The following CSMD2 variants were observed in gnomAD, a reference collection of about 807,000 sequenced individuals.
The protein encoded by CSMD2 is CUB and Sushi multiple domains 2, also known as CUB and sushi domain-containing protein 2.
A neutral mutation model predicts 398.5 loss-of-function variants in CSMD2; 130 were observed. The ratio of observed to expected loss-of-function variants is 0.33; its 90% CI spans 0.28 to 0.38. The LOEUF (loss-of-function observed/expected upper bound fraction) is 0.38. CSMD2 is among the 10% of genes least tolerant of loss of function. The pLI, the probability that CSMD2 is intolerant of heterozygous loss-of-function variation, is 1.00. For missense variants in CSMD2, 3,829 were observed against 4,764.9 expected (o/e 0.80, Z 5.78); for synonymous variants, 1,828 against 1,908.5 (o/e 0.96, Z 1.10).
At chr1:34,107,987 C>T (rs930415185) in intron 1 of CSMD2, among the ~76,000 whole-genome samples, 11 of 152,222 alleles carry the variant, frequency 7.2e-5, no homozygotes, top group Admixed American at 1.3e-4. Flanking sequence ...GGCAGGACCA[C>T]GCCTGACTCA....
intron 13 of CSMD2, among the ~76,000 whole-genome samples, chr1:33,749,197 C>G (rs10914772): frequency 6.8e-6 from 1 of 148,068 alleles, no homozygotes. Flanking sequence ...CCCCCAGGTT[C>G]ACGCCATTCT....
chr1:33,807,816 G>A (rs945862400), intron 10 of CSMD2, among the ~76,000 whole-genome samples: 2 of 152,010 alleles, frequency 1.3e-5, no homozygotes, highest in Admixed American at 6.6e-5. Flanking sequence ...TAATTCACAA[G>A]GTCTAAATTC....
intron 32 of CSMD2, among the ~76,000 whole-genome samples, chr1:33,627,438 C>T (rs1353357297): frequency 6.6e-6 from 1 of 152,056 alleles, no homozygotes; most frequent in Non-Finnish European, 1.5e-5. Context: ...CTGCCTGCTG[C>T]CCCCCTGCAG....
At chr1:34,165,512 T>G (rs996658635), upstream of CSMD2, among the ~76,000 whole-genome samples, 14 of 152,270 alleles carry the variant, frequency 9.2e-5, no homozygotes, top group African/African-American at 3.4e-4. Context: ...GTTTTGCAAT[T>G]GACCAGTTTC....
chr1:33,899,823 G>A (rs1159195377), intron 5 of CSMD2, among the ~76,000 whole-genome samples: 3 of 152,164 alleles, frequency 2.0e-5, no homozygotes, highest in East Asian at 3.9e-4. Flanking sequence ...GTTCAACCCC[G>A]ACTTTCCCCA....
intron 2 of CSMD2, among the ~76,000 whole-genome samples, chr1:34,076,892 G>T (rs74862457): frequency 0.044 from 4,363 of 100,016 alleles, 340 homozygotes; most frequent in African/African-American, 0.17. Flanking sequence ...CCACTGTATG[G>T]CTCTGTTACA....
intron 3 of CSMD2, among the ~76,000 whole-genome samples, chr1:33,955,750 C>CCGT (rs1423469542): frequency 9.5e-6 from 1 of 105,600 alleles, no homozygotes; most frequent in African/African-American, 3.3e-5. Flanking sequence ...ACCACCATCA[C>CCGT]CATCATCATC....
At chr1:34,141,085 A>G (rs1341313206) in intron 1 of CSMD2, among the ~76,000 whole-genome samples, 1 of 152,092 alleles carries the variant, frequency 6.6e-6, no homozygotes, top group African/African-American at 2.4e-5. Flanking sequence ...TCCTCCCCTG[A>G]AAACTACCTG....
chr1:33,874,334 C>T (rs1203789425), intron 5 of CSMD2, among the ~76,000 whole-genome samples: 1 of 152,174 alleles, frequency 6.6e-6, no homozygotes. Context: ...TTAAGAAAAA[C>T]ATTCAATGAG....
chr1:33,899,544 T>C (rs967869439), intron 5 of CSMD2, among the ~76,000 whole-genome samples: 3 of 152,178 alleles, frequency 2.0e-5, no homozygotes, highest in Admixed American at 6.5e-5. Context: ...GGCATGTCGT[T>C]GGTACCCTAC....
At chr1:33,775,024 T>C (rs1187678535) in intron 12 of CSMD2, among the ~76,000 whole-genome samples, 2 of 152,162 alleles carry the variant, frequency 1.3e-5, no homozygotes, top group African/African-American at 4.8e-5. Context: ...TGGATGCACA[T>C]AGGAGAAGCA....
chr1:33,647,523 A>G (rs1327674521), intron 28 of CSMD2, among the ~76,000 whole-genome samples: 1 of 152,238 alleles, frequency 6.6e-6, no homozygotes, highest in Non-Finnish European at 1.5e-5. Context: ...AATGCATATT[A>G]CGAAAAAATT....
At chr1:34,118,098 C>T (rs758358324) in intron 1 of CSMD2, among the ~76,000 whole-genome samples, 1 of 152,102 alleles carries the variant, frequency 6.6e-6, no homozygotes, top group African/African-American at 2.4e-5. Context: ...CACCTGTAAT[C>T]CCAGCTACTT....
chr1:33,943,945 CACA>C, intron 3 of CSMD2, among the ~76,000 whole-genome samples: 1 of 151,844 alleles, frequency 6.6e-6, no homozygotes, highest in East Asian at 1.9e-4. Context: ...CACACACACA[CACA>C]CACACACACA....
At chr1:33,682,603 T>A (rs1397644720) in intron 25 of CSMD2, among the ~76,000 whole-genome samples, 3 of 152,002 alleles carry the variant, frequency 2.0e-5, no homozygotes, top group Admixed American at 2.0e-4. Context: ...CTTAGGAGGG[T>A]TGGATTAGTT....
At chr1:33,602,612 T>C in intron 42 of CSMD2, 66 bp from the exon 43 acceptor site, 4 of 1,337,792 alleles carry the variant, frequency 3.0e-6, no homozygotes, top group Non-Finnish European at 4.0e-6. Flanking sequence ...TCAGATGCCT[T>C]CCTGAGGAAA....
In CSMD2 at chr1:33,957,018, G is replaced by A. The variant is rs575743339; in HGVS notation, c.518-21064C>T. On this transcript the variant is annotated intron_variant, in intron 3 of 70. Coordinates refer to ENST00000373381, the MANE Select transcript of CSMD2 (RefSeq NM_001281956.2). ...ACTTTCTGGTCCTCAGGCTTACCAAGTTCCTACCTCAGGGCTCTTGCATTC... is the reference window on the plus strand; with the variant it reads ...ACTTTCTGGTCCTCAGGCTTACCAAATTCCTACCTCAGGGCTCTTGCATTC... Among the ~76,000 whole-genome samples, 11 of 151,958 alleles carry A rather than the reference G, an allele frequency of 7.2e-5. 1 individual carries two copies. In the South Asian group the frequency reaches 1.3e-3, roughly 17 times the overall value.
At chr1:34,110,986 G>A (rs1661026038) in intron 1 of CSMD2, among the ~76,000 whole-genome samples, 1 of 152,048 alleles carries the variant, frequency 6.6e-6, no homozygotes, top group Non-Finnish European at 1.5e-5. Context: ...CCTGCTCTAT[G>A]TTTTCTTATT....
chr1:33,786,098 T>C (rs770429021), intron 12 of CSMD2, among the ~76,000 whole-genome samples: 2 of 152,198 alleles, frequency 1.3e-5, no homozygotes, highest in Non-Finnish European at 2.9e-5. Context: ...TTTTAAGTCT[T>C]AAATCATGAC....
Sources: gnomAD v4.1 joint callset for allele counts (sites outside exome capture counted in the v4.1 genomes callset) on GRCh38, gnomAD v4.1.1 for gene constraint, MANE v1.5 for transcripts, NCBI Gene and HGNC (gene_info 2026-07-23, HGNC 2026-07-21) for gene names.